Variants in ATP2C1 observed in about 807,000 individuals in gnomAD.
ATP2C1 encodes the protein calcium-transporting ATPase type 2C member 1.
A neutral mutation model predicts 120.5 loss-of-function variants in ATP2C1; 31 were observed. The ratio of observed to expected loss-of-function variants is 0.26; its 90% CI spans 0.19 to 0.35. The LOEUF (loss-of-function observed/expected upper bound fraction) is 0.35, where lower values mean the gene tolerates loss of function less well. Among genes scored for constraint, ATP2C1 ranks in the 10% least tolerant of loss-of-function variants. ATP2C1 has a pLI of 1.00. For missense variants in ATP2C1, 731 were observed against 1,107.5 expected, an observed-to-expected ratio of 0.66 and a Z score of 4.83; for synonymous variants, 351 against 358.7, an observed-to-expected ratio of 0.98 and a Z score of 0.24.
At position 130,964,839 on chromosome 3, in the gene ATP2C1, T is replaced by G. The variant is rs1286159665; in HGVS notation, c.1025-109T>G. 1.8e-5 allele frequency: 13 copies of G among 724,680 alleles called. No homozygotes were observed. In the South Asian group the frequency reaches 2.0e-4, roughly 11 times the overall value. The allele number at this position is 724,680 out of a possible 1,614,324, so 44.9% of individuals were successfully genotyped here. A position where few individuals can be genotyped will look rare whatever the true frequency, so the allele number is the denominator to read the frequency against. On this transcript the variant is annotated intron_variant, in intron 13 of 27. Transcript: ENST00000510168. Reference sequence around the variant, plus strand: ...TAAAATTAACAATGAGTTTGATTTCTATAAAATTCAGAGAAGTAGGACAGG... The same window carrying G: ...TAAAATTAACAATGAGTTTGATTTCGATAAAATTCAGAGAAGTAGGACAGG...
chr3:131,001,235 T>C lies in ATP2C1; in HGVS notation c.2645T>C (p.Leu882Ser). The C allele has an allele frequency of 6.2e-7, 1 of 1,613,836 alleles. No homozygotes were observed. The highest frequency in any genetic ancestry group is 8.5e-7 in the Non-Finnish European group (1 of 1,179,824). Residue 882 changes from leucine (L) to serine (S), a missense_variant, in exon 28 of 28, where the codon TTG becomes TCG. Coordinates refer to ENST00000510168, the MANE Select transcript of ATP2C1 (RefSeq NM_001378687.1). ...SLSILDLLFL[L>S]GLTSSVCIVA... ...TCTCTTGCAGATCTGTTGTTTCTTT[T>C]GGGTCTCACCTCATCAGTGTGCATA...
intron 20 of ATP2C1, among the ~76,000 whole-genome samples, chr3:130,982,897 A>G (rs1469123064): frequency 2.6e-5 from 4 of 152,230 alleles, no homozygotes; most frequent in African/African-American, 7.2e-5. Flanking sequence ...CAGAGTATCC[A>G]TAATAAGTTA....
At chr3:130,871,477 T>TA (rs1158872311) in intron 1 of ATP2C1, among the ~76,000 whole-genome samples, 7 of 152,208 alleles carry the variant, frequency 4.6e-5, no homozygotes, top group African/African-American at 1.7e-4. Flanking sequence ...TCTGCATTTC[T>TA]AAAAAAATTC....
intron 5 of ATP2C1, among the ~76,000 whole-genome samples, chr3:130,935,514 A>G (rs1296682403): frequency 2.0e-5 from 3 of 152,208 alleles, no homozygotes; most frequent in African/African-American, 7.2e-5. Flanking sequence ...GCTTAAGAAC[A>G]CTGTAGATGT....
chr3:130,968,073 C>T (rs218498), intron 16 of ATP2C1, among the ~76,000 whole-genome samples: 68,223 of 151,978 alleles, frequency 0.45, 18,156 homozygotes, highest in Middle Eastern at 0.63. Flanking sequence ...AAGCAAGAGG[C>T]TTCTAAATGA....
In ATP2C1 at chr3:130,860,220, T is replaced by C. The variant is rs767996333; in HGVS notation, c.108+9292T>C. Among the ~76,000 whole-genome samples, 66 of 152,260 alleles carry C rather than the reference T, an allele frequency of 4.3e-4. 1 individual carries two copies. The highest frequency in any genetic ancestry group is 3.5e-4 in the Non-Finnish European group (24 of 68,042). Reference sequence around the variant, plus strand: ...CATTCCATGTTTTAGACAGTTCATCTACACTTCGTTAGCTTTTGTTCAGAA... The same window carrying C: ...CATTCCATGTTTTAGACAGTTCATCCACACTTCGTTAGCTTTTGTTCAGAA... On this transcript the variant is annotated intron_variant, in intron 1 of 26. Transcript: ENST00000504381.
intron 16 of ATP2C1, among the ~76,000 whole-genome samples, chr3:130,968,684 C>A (rs2061158322): frequency 6.6e-6 from 1 of 152,118 alleles, no homozygotes; most frequent in Admixed American, 6.6e-5. Flanking sequence ...AGAGCCTGAA[C>A]ATGTTTCAGT....
chr3:130,947,879 G>T (rs1488472150), intron 8 of ATP2C1, among the ~76,000 whole-genome samples: 1 of 151,592 alleles, frequency 6.6e-6, no homozygotes, highest in East Asian at 1.9e-4. Context: ...ATTATATGTG[G>T]ATTACAATGA....
At chr3:130,900,303 C>T (rs2070046304) in intron 2 of ATP2C1, among the ~76,000 whole-genome samples, 1 of 152,128 alleles carries the variant, frequency 6.6e-6, no homozygotes, top group Admixed American at 6.5e-5. Flanking sequence ...CTCAAGCAGT[C>T]TTATTGCCTT....
intron 8 of ATP2C1, among the ~76,000 whole-genome samples, chr3:130,944,868 A>T (rs2108482155): frequency 6.6e-6 from 1 of 152,268 alleles, no homozygotes; most frequent in African/African-American, 2.4e-5. Flanking sequence ...CTTTACATAC[A>T]ATTGAGTAGT....
intron 1 of ATP2C1, among the ~76,000 whole-genome samples, chr3:130,859,595 T>A (rs2067952036): frequency 1.3e-5 from 2 of 152,190 alleles, no homozygotes; most frequent in Middle Eastern, 3.2e-3. Flanking sequence ...TTCAATGCAG[T>A]CAGTGCTGGC....
At chr3:130,967,292 A>G (rs746158079) in intron 15 of ATP2C1, 38 bp from the exon 16 acceptor site, 94 of 1,611,814 alleles carry the variant, frequency 5.8e-5, no homozygotes, top group Non-Finnish European at 7.6e-5. Flanking sequence ...AACTTAAGAC[A>G]CAGTGATAGG....
intron 26 of ATP2C1, among the ~76,000 whole-genome samples, chr3:131,010,224 T>C (rs1184368201): frequency 6.9e-6 from 1 of 144,648 alleles, no homozygotes; most frequent in East Asian, 2.0e-4. Flanking sequence ...AGAGTCTTGC[T>C]CTGTTGCCCA....
At chr3:130,954,145 G>A (rs551192241) in intron 9 of ATP2C1, among the ~76,000 whole-genome samples, 169 bp downstream of exon 9, 13 of 152,144 alleles carry the variant, frequency 8.5e-5, no homozygotes, top group Non-Finnish European at 1.3e-4. Context: ...TGTCCCCAAA[G>A]TATAATATTT....
At chr3:130,933,391 A>G (rs1332249948) in intron 4 of ATP2C1, among the ~76,000 whole-genome samples, 1 of 152,158 alleles carries the variant, frequency 6.6e-6, no homozygotes, top group Non-Finnish European at 1.5e-5. Context: ...AATAGCTAAC[A>G]TTTTTAAGAA....
In ATP2C1 at chr3:130,975,377, A is replaced by G; in HGVS notation, c.1459A>G (p.Ile487Val). Residue 487 changes from isoleucine (I) to valine (V), a missense_variant, in exon 18 of 28, where the codon ATT (isoleucine) becomes GTT (valine). Physicochemically the swap from Ile to Val is conservative, Grantham distance 29. Transcript: ENST00000510168. ...CFMKGAYEQV[I>V]KYCTTYQSKG... Reference sequence around the variant, plus strand: ...TATGAAAGGTGCTTACGAACAAGTAATTAAGTACTGTACTACATACCAGAG... The same window carrying G: ...TATGAAAGGTGCTTACGAACAAGTAGTTAAGTACTGTACTACATACCAGAG... 2.5e-6 allele frequency: 4 copies of G among 1,613,918 alleles called. No homozygotes were observed. The highest frequency in any genetic ancestry group is 2.5e-6 in the Non-Finnish European group (3 of 1,179,834).
At chr3:130,976,731 G>GCCAA (rs1451398243) in intron 18 of ATP2C1, among the ~76,000 whole-genome samples, 3 of 152,142 alleles carry the variant, frequency 2.0e-5, no homozygotes, top group Non-Finnish European at 1.5e-5. Context: ...GACCCCTGAA[G>GCCAA]CCAAGGCAGA....
chr3:130,911,342 T>C (rs1237217090), intron 2 of ATP2C1, among the ~76,000 whole-genome samples: 3 of 150,858 alleles, frequency 2.0e-5, no homozygotes, highest in African/African-American at 7.3e-5. Flanking sequence ...TCTCTCTTTT[T>C]TTCTTTATTA....
chr3:130,928,673 T>G (rs1171342729), intron 2 of ATP2C1, among the ~76,000 whole-genome samples: 2 of 152,248 alleles, frequency 1.3e-5, no homozygotes, highest in East Asian at 3.8e-4. Flanking sequence ...TAGTGGTAAG[T>G]CAAATGCTGT....
Sources: gnomAD v4.1 joint callset for allele counts (sites outside exome capture counted in the v4.1 genomes callset) on GRCh38, gnomAD v4.1.1 for gene constraint, MANE v1.5 for transcripts, NCBI Gene and HGNC (gene_info 2026-07-23, HGNC 2026-07-21) for gene names.